SLC22A23: variants seen among roughly 807,000 people sequenced by gnomAD.
SLC22A23 encodes the protein ion transporter protein.
A neutral mutation model predicts 61.0 loss-of-function variants in SLC22A23; 26 were observed. The ratio of observed to expected loss-of-function variants is 0.43; its 90% CI spans 0.31 to 0.59. SLC22A23 has a LOEUF of 0.59. SLC22A23 is among the 20% of genes least tolerant of loss of function. The pLI, the probability that SLC22A23 is intolerant of heterozygous loss-of-function variation, is 0.11. For missense variants in SLC22A23, 796 were observed against 934.7 expected (o/e 0.85, Z 1.94); for synonymous variants, 430 against 413.9 (o/e 1.04, Z -0.47).
In SLC22A23 at chr6:3,268,975, TG is replaced by T. The variant is rs1758300158; in HGVS notation, c.*4079del. The stretch of plus-strand genomic sequence containing the variant: ...AATCAGGGCTATGGAGAGAAGAGTT[TG>T]GTATAAATACTTTATTAAAGAAATA... On this transcript the variant is annotated 3_prime_UTR_variant, in exon 10 of 10. Coordinates refer to ENST00000406686, the MANE Select transcript of SLC22A23 (RefSeq NM_015482.2). 6.6e-6 allele frequency: 1 copy of T among 152,372 alleles called. No individual in the cohort carries two copies. Among genetic ancestry groups the T allele is most frequent in the Non-Finnish European group, 1.5e-5 (1 of 68,050 alleles). 9.4% of individuals were successfully genotyped at this position (152,372 alleles called of 1,614,324 possible).
intron 2 of SLC22A23, among the ~76,000 whole-genome samples, chr6:3,413,649 A>C (rs1343777415): frequency 6.6e-6 from 1 of 152,268 alleles, no homozygotes; most frequent in Admixed American, 6.5e-5. Context: ...TGTACTACTT[A>C]AATGTTACTA....
intron 3 of SLC22A23, among the ~76,000 whole-genome samples, chr6:3,371,054 C>G (rs1766187051): frequency 6.6e-6 from 1 of 152,202 alleles, no homozygotes; most frequent in Non-Finnish European, 1.5e-5. Context: ...TGATGTTTAT[C>G]TGGTGCCATG....
chr6:3,319,601 A>T (rs1182750431), intron 4 of SLC22A23, among the ~76,000 whole-genome samples: 1 of 152,200 alleles, frequency 6.6e-6, no homozygotes, highest in East Asian at 1.9e-4. Flanking sequence ...TGGCTGCTTA[A>T]CAAATACCAG....
At position 3,286,715 on chromosome 6, in the gene SLC22A23, C is replaced by T. The variant is rs968170327; in HGVS notation, c.1546+144G>A. On this transcript the variant is annotated intron_variant, in intron 7 of 9. Transcript: ENST00000406686. The surrounding 1 kb of genome is among the most constrained non-coding windows in gnomAD (Gnocchi z 4.2). ...AGGCGGGCTCCACAGATGCTCTCAACTGAAGCTCTGTTCTCCCCAAAGCAG... is the reference window on the plus strand; with the variant it reads ...AGGCGGGCTCCACAGATGCTCTCAATTGAAGCTCTGTTCTCCCCAAAGCAG... The T allele has an allele frequency of 3.9e-6, 3 of 763,942 alleles. No homozygotes were observed. Among genetic ancestry groups the T allele is most frequent in the Non-Finnish European group, 4.2e-6 (2 of 476,886 alleles). The allele number at this position is 763,942 out of a possible 1,614,324, so 47.3% of individuals were successfully genotyped here. A position where few individuals can be genotyped will look rare whatever the true frequency, so the allele number is the denominator to read the frequency against.
At chr6:3,326,119 C>T (rs1321555140) in intron 3 of SLC22A23, among the ~76,000 whole-genome samples, 3 of 152,212 alleles carry the variant, frequency 2.0e-5, no homozygotes, top group East Asian at 1.9e-4. Context: ...TCTAGGTTTG[C>T]GGATGAGCAG....
intron 5 of SLC22A23, among the ~76,000 whole-genome samples, chr6:3,292,987 C>T (rs1581628972): frequency 6.6e-6 from 1 of 152,208 alleles, no homozygotes; most frequent in East Asian, 1.9e-4. Flanking sequence ...GGCCTCTCCA[C>T]ATTTGGCCAT....
intron 3 of SLC22A23, among the ~76,000 whole-genome samples, chr6:3,373,301 G>A (rs927288990): frequency 2.6e-5 from 4 of 152,260 alleles, no homozygotes; most frequent in Non-Finnish European, 5.9e-5. Flanking sequence ...TCCGCTGGGA[G>A]AAGACTCTTA....
At chr6:3,276,408 C>A (rs995973885) in intron 9 of SLC22A23, among the ~76,000 whole-genome samples, 1 of 152,016 alleles carries the variant, frequency 6.6e-6, no homozygotes, top group East Asian at 1.9e-4. Context: ...TCCTCCCTGG[C>A]GCATCTTCTG....
rs181263486 is a variant in SLC22A23 at position 3,318,757 on chromosome 6, G to A, written c.1082+5077C>T. 1.5e-4 allele frequency among the ~76,000 whole-genome samples: 23 copies of A among 152,252 alleles called. No homozygotes were observed. The highest frequency in any genetic ancestry group is 5.5e-4 in the African/African-American group (23 of 41,540). On this transcript the variant is annotated intron_variant, in intron 4 of 9. Transcript: ENST00000406686. The surrounding 1 kb of genome is among the most constrained non-coding windows in gnomAD (Gnocchi z 4.3). Reference sequence around the variant, plus strand: ...TCAAGTCTCCTGGTCACCTCATCCTGTCACCCACCACAGTAGGATAGCAGG... The same window carrying A: ...TCAAGTCTCCTGGTCACCTCATCCTATCACCCACCACAGTAGGATAGCAGG...
chr6:3,350,700 G>C (rs538347833), intron 3 of SLC22A23, among the ~76,000 whole-genome samples: 68 of 152,340 alleles, frequency 4.5e-4, no homozygotes, highest in Non-Finnish European at 9.3e-4. Context: ...GCATGTTTTA[G>C]TTATCCTTCA....
chr6:3,441,985 C>T (rs1771628132), intron 1 of SLC22A23, among the ~76,000 whole-genome samples: 1 of 152,170 alleles, frequency 6.6e-6, no homozygotes, highest in Non-Finnish European at 1.5e-5. Flanking sequence ...CACCCAAGTT[C>T]CCAGCCGCAC....
intron 6 of SLC22A23, among the ~76,000 whole-genome samples, chr6:3,288,676 T>G (rs181991576): frequency 4.6e-5 from 7 of 152,368 alleles, no homozygotes; most frequent in Admixed American, 4.6e-4. Context: ...AAATTTCATG[T>G]TTTTTTCCAA....
intron 3 of SLC22A23, among the ~76,000 whole-genome samples, chr6:3,379,404 T>C (rs534930814): frequency 1.3e-5 from 2 of 152,288 alleles, no homozygotes; most frequent in South Asian, 4.2e-4. Context: ...TGCTTCTCAT[T>C]GTCCAGAATG....
rs143637581 is a variant in SLC22A23 at position 3,402,551 on chromosome 6, A to C, written c.913+7637T>G. Among the ~76,000 whole-genome samples the C allele has an allele frequency of 4.6e-3, 690 of 151,484 alleles. 7 individuals carry two copies. The highest frequency in any genetic ancestry group is 6.9e-3 in the Middle Eastern group (2 of 290). On this transcript the variant is annotated intron_variant, in intron 3 of 9. Coordinates refer to ENST00000406686, the MANE Select transcript of SLC22A23 (RefSeq NM_015482.2). ...CACAGAGTGCACTAGGCTGCAGCCC[A>C]CTCCAATCATCCACACTACCCAGAG...
intron 3 of SLC22A23, among the ~76,000 whole-genome samples, chr6:3,354,557 A>C (rs1405166537): frequency 2.0e-5 from 3 of 152,232 alleles, no homozygotes; most frequent in African/African-American, 7.2e-5. Flanking sequence ...CAAGAGACCC[A>C]GCATCCAGCA....
At chr6:3,281,193 G>A (rs1561861359) in intron 9 of SLC22A23, among the ~76,000 whole-genome samples, 1 of 152,212 alleles carries the variant, frequency 6.6e-6, no homozygotes, top group East Asian at 1.9e-4. Flanking sequence ...CCCATGTCAA[G>A]CTGGGAGATG....
chr6:3,277,277 G>C (rs569161841), intron 9 of SLC22A23, among the ~76,000 whole-genome samples: 8 of 151,858 alleles, frequency 5.3e-5, no homozygotes, highest in Non-Finnish European at 1.0e-4. Flanking sequence ...GTGCCACTGG[G>C]ACCCTTCTCC....
chr6:3,298,999 T>C (rs545477949), intron 4 of SLC22A23, among the ~76,000 whole-genome samples: 1 of 142,654 alleles, frequency 7.0e-6, no homozygotes, highest in African/African-American at 2.8e-5. Flanking sequence ...AAAAAAAATG[T>C]TCCCAACACA....
In SLC22A23 at chr6:3,342,433, C is replaced by T. The variant is rs1280187487; in HGVS notation, c.914-18431G>A. Among the ~76,000 whole-genome samples the T allele has an allele frequency of 2.6e-5, 4 of 152,198 alleles. No homozygotes were observed. The highest frequency in any genetic ancestry group is 1.9e-4 in the East Asian group (1 of 5,202). ...ATGGAAGTGAGGCCACTAGGGTTCACGGCTCACCTCCTTTGAAACACACAC... is the reference window on the plus strand; with the variant it reads ...ATGGAAGTGAGGCCACTAGGGTTCATGGCTCACCTCCTTTGAAACACACAC... On this transcript the variant is annotated intron_variant, in intron 3 of 9. Coordinates refer to ENST00000406686, the MANE Select transcript of SLC22A23 (RefSeq NM_015482.2). This position sits in a 1 kb window ranked among gnomAD's most constrained non-coding sequence, Gnocchi z 4.0.
Sources: gnomAD v4.1 joint callset for allele counts (sites outside exome capture counted in the v4.1 genomes callset) on GRCh38, gnomAD v4.1.1 for gene constraint, Gnocchi (gnomAD v3.1) non-coding constraint, MANE v1.5 for transcripts, NCBI Gene and HGNC (gene_info 2026-07-23, HGNC 2026-07-21) for gene names.